The following OCA2 variants were observed in gnomAD, a reference collection of about 807,000 sequenced individuals.
OCA2 encodes OCA2 melanosomal transmembrane protein.
In OCA2, 77 loss-of-function variants were observed where a neutral mutation model predicts 100.2. That is an observed-to-expected ratio of 0.77 (90% CI 0.64 to 0.93). The LOEUF (loss-of-function observed/expected upper bound fraction) is 0.93. OCA2 is among the 40% of genes least tolerant of loss of function. The pLI, the probability that OCA2 is intolerant of heterozygous loss-of-function variation, is 0.00. For synonymous variants in OCA2, 432 were observed against 439.2 expected, an observed-to-expected ratio of 0.98 and a Z score of 0.21; for missense variants, 1,062 against 1,089.1, an observed-to-expected ratio of 0.98 and a Z score of 0.35.
intron 23 of OCA2, among the ~76,000 whole-genome samples, chr15:27,773,421 AAT>A (rs2032007520): frequency 6.6e-6 from 1 of 152,238 alleles, no homozygotes; most frequent in South Asian, 2.1e-4. Flanking sequence ...TCATTAATTC[AAT>A]ATGAGATTTT....
chr15:27,741,980 C>G, the OCA2 span, among the ~76,000 whole-genome samples: 10 of 150,402 alleles, frequency 6.6e-5, no homozygotes, highest in South Asian at 2.1e-3. Context: ...GACATTTAGA[C>G]AAGGATTTAA....
the OCA2 span, among the ~76,000 whole-genome samples, chr15:27,737,361 T>C: frequency 6.6e-6 from 1 of 152,216 alleles, no homozygotes; most frequent in Non-Finnish European, 1.5e-5. Flanking sequence ...ATCTTGAGAA[T>C]GAAGGACAAA....
chr15:27,727,635 A>G, the OCA2 span, among the ~76,000 whole-genome samples: 38 of 152,236 alleles, frequency 2.5e-4, no homozygotes, highest in Admixed American at 3.3e-4. Context: ...GAAGGCACGT[A>G]AAATCATCCA....
intron 11 of OCA2, among the ~76,000 whole-genome samples, chr15:27,987,032 G>A (rs2041379236): frequency 6.6e-6 from 1 of 152,214 alleles, no homozygotes; most frequent in Non-Finnish European, 1.5e-5. Flanking sequence ...CCAGCATGTG[G>A]CCTTCTGCAC....
chr15:27,918,213 C>A (rs1343212994), intron 19 of OCA2, among the ~76,000 whole-genome samples: 1 of 151,418 alleles, frequency 6.6e-6, no homozygotes, highest in Non-Finnish European at 1.5e-5. Context: ...CCTGTCTCAG[C>A]CTCCCGAGTA....
intron 21 of OCA2, among the ~76,000 whole-genome samples, chr15:27,857,798 A>T (rs1283269589): frequency 1.3e-5 from 2 of 152,202 alleles, no homozygotes. Context: ...GCTAATAAAG[A>T]TGTAATCTAT....
At chr15:27,842,551 A>G (rs2035379382) in intron 23 of OCA2, among the ~76,000 whole-genome samples, 1 of 152,222 alleles carries the variant, frequency 6.6e-6, no homozygotes, top group Admixed American at 6.5e-5. Flanking sequence ...CAATTAGATA[A>G]CCATTCCCTG....
At chr15:27,840,431 A>T (rs2035301504) in intron 23 of OCA2, among the ~76,000 whole-genome samples, 1 of 152,246 alleles carries the variant, frequency 6.6e-6, no homozygotes, top group Non-Finnish European at 1.5e-5. Flanking sequence ...AGACCTCTCG[A>T]TACCAGTATT....
chr15:28,082,532 T>G (rs1372886230), intron 1 of OCA2, among the ~76,000 whole-genome samples: 1 of 152,156 alleles, frequency 6.6e-6, no homozygotes, highest in African/African-American at 2.4e-5. Flanking sequence ...GTTAAGTAGA[T>G]TGTGATGTGT....
chr15:27,949,603 C>T (rs554986907), intron 18 of OCA2, among the ~76,000 whole-genome samples: 1 of 152,104 alleles, frequency 6.6e-6, no homozygotes, highest in Non-Finnish European at 1.5e-5. Context: ...GCAGAGGCTG[C>T]ACTGAGTTGA....
intron 1 of OCA2, among the ~76,000 whole-genome samples, chr15:28,088,215 T>C (rs550758712): frequency 6.6e-6 from 1 of 152,364 alleles, no homozygotes; most frequent in Non-Finnish European, 1.5e-5. Flanking sequence ...TAGGTAAATA[T>C]GTTTTCCCTC....
the OCA2 span, among the ~76,000 whole-genome samples, chr15:27,749,347 A>C: frequency 2.0e-4 from 30 of 152,322 alleles, no homozygotes; most frequent in African/African-American, 6.7e-4. Context: ...ACTGTCAACT[A>C]AGAACTATGT....
chr15:28,090,834 C>T (rs1228856231), intron 1 of OCA2, among the ~76,000 whole-genome samples: 1 of 151,676 alleles, frequency 6.6e-6, no homozygotes, highest in Non-Finnish European at 1.5e-5. Flanking sequence ...AATAATGAAG[C>T]TGAGATTAAA....
chr15:27,968,411 C>T (rs991722476), intron 14 of OCA2, among the ~76,000 whole-genome samples: 5 of 152,196 alleles, frequency 3.3e-5, no homozygotes, highest in African/African-American at 1.2e-4. Context: ...CCTTAGGAAC[C>T]TCTTACATAG....
intron 2 of OCA2, among the ~76,000 whole-genome samples, chr15:28,076,952 T>C (rs1386410416): frequency 6.6e-6 from 1 of 151,534 alleles, no homozygotes; most frequent in Admixed American, 6.6e-5. Context: ...TATTTTGAGA[T>C]ACAAAAAAAA....
chr15:27,797,338 G>A (rs912187085), intron 23 of OCA2, among the ~76,000 whole-genome samples: 9 of 152,110 alleles, frequency 5.9e-5, no homozygotes, highest in Non-Finnish European at 1.5e-5. Flanking sequence ...AGGCAAAGGG[G>A]GCTGATTTTA....
chr15:28,044,729 G>A (rs924489442), intron 2 of OCA2, among the ~76,000 whole-genome samples: 1 of 152,082 alleles, frequency 6.6e-6, no homozygotes, highest in Admixed American at 6.6e-5. Flanking sequence ...ATGTCCTTGG[G>A]ATCAATTGAC....
chr15:28,006,076 T>A (rs1324213564), intron 9 of OCA2, among the ~76,000 whole-genome samples: 8 of 152,008 alleles, frequency 5.3e-5, no homozygotes, highest in Non-Finnish European at 8.8e-5. Context: ...AAAATGGAGG[T>A]GGTGATAAAG....
At chr15:28,062,219 C>A (rs998202861) in intron 2 of OCA2, among the ~76,000 whole-genome samples, 24 of 152,210 alleles carry the variant, frequency 1.6e-4, no homozygotes, top group African/African-American at 5.5e-4. Flanking sequence ...TCCACATCAG[C>A]CCTAACACTT....
Sources: gnomAD v4.1 joint callset for allele counts (sites outside exome capture counted in the v4.1 genomes callset) on GRCh38, gnomAD v4.1.1 for gene constraint, MANE v1.5 for transcripts, NCBI Gene and HGNC (gene_info 2026-07-23, HGNC 2026-07-21) for gene names.